Variants in ADCY2 observed in about 807,000 individuals in gnomAD.
ADCY2 encodes the protein adenylate cyclase 2.
Under a neutral mutation model 125.2 loss-of-function variants are expected in ADCY2, and 31 were observed. The ratio of observed to expected loss-of-function variants is 0.25; its 90% CI spans 0.19 to 0.33. ADCY2 has a LOEUF of 0.33. ADCY2 is among the 10% of genes least tolerant of loss of function. The pLI is 1.00. For synonymous variants in ADCY2, 512 were observed against 548.4 expected (o/e 0.93, Z 0.93); for missense variants, 904 against 1,418.2 (o/e 0.64, Z 5.82).
chr5:7,403,795 A>G (rs944035189), intron 1 of ADCY2, among the ~76,000 whole-genome samples: 7 of 152,178 alleles, frequency 4.6e-5, no homozygotes, highest in African/African-American at 1.7e-4. Flanking sequence ...TTCCTTGTGG[A>G]GAATCAATTG....
chr5:7,819,736 A>T (rs1034647620), intron 23 of ADCY2, among the ~76,000 whole-genome samples: 1 of 152,228 alleles, frequency 6.6e-6, no homozygotes, highest in African/African-American at 2.4e-5. Flanking sequence ...AGGGATAGCA[A>T]AGTGGAAGAA....
intron 4 of ADCY2, among the ~76,000 whole-genome samples, chr5:7,681,094 G>A (rs6555483): frequency 0.81 from 123,661 of 152,042 alleles, 50,547 homozygotes; most frequent in South Asian, 0.86. Flanking sequence ...TTCCAGGATC[G>A]TGACAGGCTT....
chr5:7,739,860 G>A (rs1177482965), intron 14 of ADCY2, among the ~76,000 whole-genome samples: 1 of 151,882 alleles, frequency 6.6e-6, no homozygotes, highest in African/African-American at 2.4e-5. Flanking sequence ...ACCAAAAGCT[G>A]AAACAAATAG....
Position 7,707,708 on chromosome 5 carries a change from G to A in ADCY2, c.1271G>A (p.Arg424His), listed in dbSNP as rs1741306540. ...GTGATTTTAAAATGCAATTTCAGAC[G>A]TGTTCACATTTCTTCTGTCACCCTG... ...NHMEAGGVPG[R>H]VHISSVTLEH... The change falls in exon 9 of 25, where the codon CGT (arginine) becomes CAT (histidine). Residue 424 changes from arginine to histidine, a missense_variant and splice_region_variant. Physicochemically the swap from Arg to His is conservative, Grantham distance 29. Coordinates refer to ENST00000338316, the MANE Select transcript of ADCY2 (RefSeq NM_020546.3). The A allele has an allele frequency of 2.5e-6, 4 of 1,613,720 alleles. No homozygotes were observed. The highest frequency in any genetic ancestry group is 3.4e-6 in the Non-Finnish European group (4 of 1,179,884).
chr5:7,736,301 G>T (rs1464776717), intron 14 of ADCY2, among the ~76,000 whole-genome samples: 1 of 152,092 alleles, frequency 6.6e-6, no homozygotes, highest in Non-Finnish European at 1.5e-5. Context: ...TTTGTAAGTA[G>T]ATTTTTTTAA....
intron 4 of ADCY2, among the ~76,000 whole-genome samples, chr5:7,681,860 G>A (rs1417829154): frequency 6.6e-6 from 1 of 152,210 alleles, no homozygotes; most frequent in Non-Finnish European, 1.5e-5. Context: ...ACTATGGAAC[G>A]ATTGCTCTCC....
chr5:7,444,071 C>T (rs2017214), intron 2 of ADCY2, among the ~76,000 whole-genome samples: 55,543 of 150,484 alleles, frequency 0.37, 10,465 homozygotes, highest in South Asian at 0.51. Flanking sequence ...CTCTTCAAGC[C>T]CCTTTTGGTG....
At chr5:7,592,411 C>G (rs1736874508) in intron 3 of ADCY2, among the ~76,000 whole-genome samples, 1 of 151,902 alleles carries the variant, frequency 6.6e-6, no homozygotes, top group Non-Finnish European at 1.5e-5. Context: ...TGTTTCAGCA[C>G]CTATAGGCAA....
intron 19 of ADCY2, 126 bp from the exon 20 acceptor site, chr5:7,789,516 G>A: frequency 1.1e-6 from 1 of 888,550 alleles, no homozygotes; most frequent in East Asian, 2.5e-5. Flanking sequence ...TGGGGAGGGT[G>A]GAAGTTCTGT....
chr5:7,625,481 A>G (rs758196403), intron 3 of ADCY2, among the ~76,000 whole-genome samples: 3 of 152,196 alleles, frequency 2.0e-5, no homozygotes, highest in Non-Finnish European at 4.4e-5. Context: ...ATTATAGATT[A>G]TTTTTAGTTT....
chr5:7,757,780 G>A (rs930730708), intron 16 of ADCY2, among the ~76,000 whole-genome samples, 194 bp downstream of exon 16: 3 of 147,302 alleles, frequency 2.0e-5, no homozygotes, highest in African/African-American at 4.9e-5. Flanking sequence ...GACCTGTTCT[G>A]TGGAATTTTG....
intron 2 of ADCY2, among the ~76,000 whole-genome samples, chr5:7,502,554 C>G (rs562197847): frequency 6.6e-6 from 1 of 151,952 alleles, no homozygotes; most frequent in African/African-American, 2.4e-5. Flanking sequence ...CCCTGATGGC[C>G]GATGATACCA....
chr5:7,741,691 A>G (rs55919230), intron 14 of ADCY2, among the ~76,000 whole-genome samples: 1 of 1,856 alleles, frequency 5.4e-4, no homozygotes, highest in Admixed American at 5.6e-3. Context: ...CACCGTCACC[A>G]TCATCACCAT....
intron 2 of ADCY2, among the ~76,000 whole-genome samples, chr5:7,512,548 G>C (rs10075221): frequency 0.022 from 3,366 of 152,144 alleles, 123 homozygotes; most frequent in African/African-American, 0.077. Flanking sequence ...ATGGGAGAGA[G>C]TACAAGAAGG....
rs1561112541 is a variant in ADCY2 at position 7,589,504 on chromosome 5, AAGAAAGAAAAGAAAAG to A, written c.571-36661_571-36646del. ...AAAGAAAGAAAGAAAGAAAGAAAGA[AAGAAAGAAAAGAAAAG>A]AAAGAGAAAGAAAGAAAGGAGGGAG... On this transcript the variant is annotated intron_variant, in intron 3 of 24. Transcript: ENST00000338316. 7.5e-4 allele frequency among the ~76,000 whole-genome samples: 53 copies of A among 70,646 alleles called. 1 individual carries two copies. Among genetic ancestry groups the A allele is most frequent in the African/African-American group, 1.8e-3 (53 of 30,036 alleles). 46.3% of individuals were successfully genotyped at this position (70,646 alleles called of 152,430 possible).
chr5:7,769,322 A>T (rs1177148747), intron 17 of ADCY2, among the ~76,000 whole-genome samples: 2 of 152,252 alleles, frequency 1.3e-5, no homozygotes, highest in African/African-American at 4.8e-5. Context: ...CGATAAGGTT[A>T]TGCTTAACCA....
rs558005428 is a variant in ADCY2, at chr5:7,741,239, A to G, written c.1872-2429A>G. The stretch of plus-strand genomic sequence containing the variant: ...AATGTGACATGTCTATTTCTAAAAC[A>G]GAACCTGGATCAGGAATACAACTGG... On this transcript the variant is annotated intron_variant, in intron 14 of 24. Coordinates refer to ENST00000338316, the MANE Select transcript of ADCY2 (RefSeq NM_020546.3). Among the ~76,000 whole-genome samples, 28 of 152,302 alleles carry G rather than the reference A, an allele frequency of 1.8e-4. No homozygotes were observed. In the South Asian group the frequency reaches 5.6e-3, roughly 30 times the overall value.
At chr5:7,638,348 T>A (rs1329309178) in intron 4 of ADCY2, among the ~76,000 whole-genome samples, 7 of 152,186 alleles carry the variant, frequency 4.6e-5, no homozygotes, top group Non-Finnish European at 7.3e-5. Context: ...CTGATAGAAT[T>A]TGAGGCTCAG....
At chr5:7,630,041 A>C (rs1283744393) in intron 4 of ADCY2, among the ~76,000 whole-genome samples, 1 of 152,232 alleles carries the variant, frequency 6.6e-6, no homozygotes, top group Non-Finnish European at 1.5e-5. Flanking sequence ...CTGTGGATCA[A>C]ATATGACAGA....
Sources: gnomAD v4.1 joint callset for allele counts (sites outside exome capture counted in the v4.1 genomes callset) on GRCh38, gnomAD v4.1.1 for gene constraint, MANE v1.5 for transcripts, NCBI Gene and HGNC (gene_info 2026-07-23, HGNC 2026-07-21) for gene names.